Variants in KPNA3 observed in about 807,000 individuals in gnomAD.
The protein encoded by KPNA3 is importin subunit alpha-4.
KPNA3 carries 13 observed loss-of-function variants against 73.8 expected under a neutral mutation model. The ratio of observed to expected loss-of-function variants is 0.18; its 90% CI spans 0.11 to 0.28. KPNA3 has a LOEUF of 0.28. KPNA3 is among the 10% of genes least tolerant of loss of function. The pLI is 1.00. For synonymous variants in KPNA3, 186 were observed against 206.9 expected, an observed-to-expected ratio of 0.90 and a Z score of 0.87; for missense variants, 360 against 618.1, an observed-to-expected ratio of 0.58 and a Z score of 4.43.
chr13:49,744,768 T>G (rs1954602397), intron 2 of KPNA3, among the ~76,000 whole-genome samples: 1 of 152,192 alleles, frequency 6.6e-6, no homozygotes. Context: ...TTTTCAAAAT[T>G]TACTTTTAAA....
intron 2 of KPNA3, among the ~76,000 whole-genome samples, chr13:49,737,005 A>T (rs778537520): frequency 6.6e-6 from 1 of 152,188 alleles, no homozygotes; most frequent in Non-Finnish European, 1.5e-5. Flanking sequence ...TGCTTGTATC[A>T]ACAATTGTTG....
rs1390529984 is a variant in KPNA3 at position 49,711,033 on chromosome 13, C to T, written c.772-11G>A. 3 of 1,595,022 alleles carry T rather than the reference C, an allele frequency of 1.9e-6. No individual in the cohort carries two copies. Among genetic ancestry groups the T allele is most frequent in the Non-Finnish European group, 2.6e-6 (3 of 1,174,258 alleles). The stretch of plus-strand genomic sequence containing the variant: ...AGTGTCTACAAGAATCTACAGGAAA[C>T]ACAAAAGAAAAACCATTTTACATAT... On this transcript the variant is annotated splice_polypyrimidine_tract_variant and intron_variant, in intron 10 of 16. Coordinates refer to ENST00000261667, the MANE Select transcript of KPNA3 (RefSeq NM_002267.4).
At position 49,709,672 on chromosome 13, in the gene KPNA3, A is replaced by G; in HGVS notation, c.932T>C (p.Ile311Thr). 1 of 1,614,022 alleles carries G rather than the reference A, an allele frequency of 6.2e-7. No individual in the cohort carries two copies. The highest frequency in any genetic ancestry group is 1.7e-5 in the Admixed American group (1 of 60,006). Reference sequence around the variant, plus strand: ...GGTCTGCTCGTCGGTGCCAGTCACTATGTTGCCAACTGCTCTGAGGGCTGC... The same window carrying G: ...GGTCTGCTCGTCGGTGCCAGTCACTGTGTTGCCAACTGCTCTGAGGGCTGC... ...QTAALRAVGN[I>T]VTGTDEQTQV... The change falls in exon 12 of 17, where the codon ATA becomes ACA. Residue 311 changes from isoleucine to threonine, a missense_variant. Ile to Thr is a moderately conservative substitution (Grantham distance 89). Around this residue, in one of 3 missense-constraint regions of KPNA3, gnomAD observed 287 missense variants for 549.1 expected, o/e 0.52. Transcript: ENST00000261667.
At chr13:49,750,714 G>A (rs887982387) in intron 1 of KPNA3, among the ~76,000 whole-genome samples, 17 of 152,090 alleles carry the variant, frequency 1.1e-4, no homozygotes, top group African/African-American at 3.1e-4. Flanking sequence ...TAAGCTGGCC[G>A]GGCACAGTGG....
intron 10 of KPNA3, among the ~76,000 whole-genome samples, chr13:49,718,468 C>G (rs1020311378): frequency 1.3e-5 from 2 of 152,132 alleles, no homozygotes; most frequent in African/African-American, 4.8e-5. Context: ...ATGGTGAAAG[C>G]TTTTATTTGC....
In KPNA3 at chr13:49,792,554, G is replaced by T; in HGVS notation, c.-48C>A. 1 of 1,383,394 alleles carries T rather than the reference G, an allele frequency of 7.2e-7. No individual in the cohort carries two copies. Among genetic ancestry groups the T allele is most frequent in the Non-Finnish European group, 1.0e-6 (1 of 1,000,334 alleles). 85.7% of individuals were successfully genotyped at this position (1,383,394 alleles called of 1,614,324 possible). On this transcript the variant is annotated 5_prime_UTR_variant, in exon 1 of 17. Coordinates refer to ENST00000261667, the MANE Select transcript of KPNA3 (RefSeq NM_002267.4). ...GGCTACTCCTGCGGCTGCGGCGGCG[G>T]CGGCGGCGAATCTTGGAGCGGGAGG...
At position 49,722,009 on chromosome 13, in the gene KPNA3, A is replaced by T. The variant is rs1247019696; in HGVS notation, c.672T>A (p.Ile224=). 2 of 1,611,578 alleles carry T rather than the reference A, an allele frequency of 1.2e-6. No homozygotes were observed. Among genetic ancestry groups the T allele is most frequent in the Non-Finnish European group, 1.7e-6 (2 of 1,178,770 alleles). The change falls in exon 9 of 17, where the codon ATT becomes ATA. Residue 224 remains isoleucine (I), a synonymous_variant. Coordinates refer to ENST00000261667, the MANE Select transcript of KPNA3 (RefSeq NM_002267.4). ...GATCCTTATTCCTGCAGAGATTGAC[A>T]ATGACCCATGTGACGTTCCGAAGGA... ...ITFLRNVTWV[I]VNLCRNKDPP... is the part of the protein sequence containing the mutation.
At chr13:49,741,456 C>CTT (rs1190219673) in intron 2 of KPNA3, among the ~76,000 whole-genome samples, 9 of 139,582 alleles carry the variant, frequency 6.4e-5, no homozygotes, top group Admixed American at 1.4e-4. Context: ...CTCTTTTGCC[C>CTT]TTTTTTTTTT....
chr13:49,762,499 C>T (rs1475126324), intron 1 of KPNA3, among the ~76,000 whole-genome samples: 3 of 152,132 alleles, frequency 2.0e-5, no homozygotes, highest in Non-Finnish European at 4.4e-5. Context: ...ACATAGGAGA[C>T]TCCATTTTTG....
chr13:49,724,499 G>C (rs762540988), intron 7 of KPNA3, among the ~76,000 whole-genome samples: 8 of 152,054 alleles, frequency 5.3e-5, no homozygotes, highest in African/African-American at 1.9e-4. Flanking sequence ...AGTAGAGACA[G>C]GGTTTCACCA....
At chr13:49,706,221 G>C in intron 13 of KPNA3, 47 bp downstream of exon 13, 3 of 1,609,202 alleles carry the variant, frequency 1.9e-6, no homozygotes, top group Non-Finnish European at 2.6e-6. Context: ...AAAAAGTCTT[G>C]GTTATTAACA....
intron 1 of KPNA3, among the ~76,000 whole-genome samples, chr13:49,756,105 A>C (rs1954708927): frequency 6.6e-6 from 1 of 151,834 alleles, no homozygotes; most frequent in Non-Finnish European, 1.5e-5. Flanking sequence ...TCATCTCTAC[A>C]AAAAAAAGCA....
At chr13:49,726,255 T>C (rs568223520) in intron 6 of KPNA3, among the ~76,000 whole-genome samples, 85 of 152,154 alleles carry the variant, frequency 5.6e-4, no homozygotes, top group Non-Finnish European at 1.0e-3. Context: ...CTTTACATAC[T>C]AGGGATATTA....
chr13:49,705,507 A>T, intron 15 of KPNA3, 114 bp downstream of exon 15: 1 of 1,063,118 alleles, frequency 9.4e-7, no homozygotes, highest in Non-Finnish European at 1.4e-6. Flanking sequence ...ACATACTGTG[A>T]TCATTTAAAA....
At chr13:49,775,941 A>T (rs977153973) in intron 1 of KPNA3, among the ~76,000 whole-genome samples, 1 of 152,196 alleles carries the variant, frequency 6.6e-6, no homozygotes, top group African/African-American at 2.4e-5. Context: ...TTTAGTTCCA[A>T]GCCTCTCAAA....
chr13:49,708,781 A>G (rs1456909104), intron 12 of KPNA3, among the ~76,000 whole-genome samples: 1 of 152,234 alleles, frequency 6.6e-6, no homozygotes, highest in East Asian at 1.9e-4. Context: ...ATGAAGACTT[A>G]TTACATACTA....
At chr13:49,712,115 A>C (rs1176681111) in intron 10 of KPNA3, among the ~76,000 whole-genome samples, 4 of 152,188 alleles carry the variant, frequency 2.6e-5, no homozygotes, top group African/African-American at 7.2e-5. Context: ...GGGTCTGAGA[A>C]CAAAGTCTGG....
chr13:49,745,840 G>A (rs1954611942), intron 2 of KPNA3, among the ~76,000 whole-genome samples: 1 of 151,440 alleles, frequency 6.6e-6, no homozygotes, highest in Non-Finnish European at 1.5e-5. Context: ...GAGGCGGGCA[G>A]ATCACGAGGT....
In KPNA3 at chr13:49,704,438, TAAATAAA is replaced by T. The variant is rs1954184458; in HGVS notation, c.1372+1176_1372+1182del. Among the ~76,000 whole-genome samples, 4 of 3,476 alleles carry T rather than the reference TAAATAAA, an allele frequency of 1.2e-3. No individual in the cohort carries two copies. The African/African-American group carries it at 0.014, about 12-fold the overall frequency. The allele number at this position is 3,476 out of a possible 152,430, so 2.3% of individuals were successfully genotyped here. A position where few individuals can be genotyped will look rare whatever the true frequency, so the allele number is the denominator to read the frequency against. ...AAAAAAAAAATAAATAAATAAAAAA[TAAATAAA>T]TAAATAAATAAATAAATAAATAAAT... On this transcript the variant is annotated intron_variant, in intron 15 of 16. Coordinates refer to ENST00000261667, the MANE Select transcript of KPNA3 (RefSeq NM_002267.4).
Sources: gnomAD v4.1 joint callset for allele counts (sites outside exome capture counted in the v4.1 genomes callset) on GRCh38, gnomAD v4.1.1 for gene constraint, gnomAD v4.1.1 regional missense constraint, MANE v1.5 for transcripts, NCBI Gene and HGNC (gene_info 2026-07-23, HGNC 2026-07-21) for gene names.